The following NBPF12 variants were observed in gnomAD, a reference collection of about 807,000 sequenced individuals.
NBPF12 encodes the protein NBPF family member NBPF12.
In NBPF12, 115 loss-of-function variants were observed where a neutral mutation model predicts 146.4. The observed-to-expected ratio is 0.79, with a 90% confidence interval of 0.68 to 0.92. The LOEUF is 0.92. NBPF12 is among the 40% of genes least tolerant of loss of function. The pLI is 0.00. For missense variants in NBPF12, 1,205 were observed against 1,326.8 expected, an observed-to-expected ratio of 0.91 and a Z score of 1.43; for synonymous variants, 385 against 508.9, an observed-to-expected ratio of 0.76 and a Z score of 3.28.
At chr1:146,971,356 C>G (rs1656599241) in exon 13 of NBPF12, 3 of 1,611,608 alleles carry the variant, frequency 1.9e-6, no homozygotes, top group Admixed American at 3.3e-5. Context: ...AGAGAATCCT[C>G]TCATGATGAA....
intron 14 of NBPF12, 115 bp downstream of exon 17, chr1:146,973,075 A>T: frequency 1.5e-6 from 1 of 659,872 alleles, no homozygotes; most frequent in Non-Finnish European, 2.7e-6. Flanking sequence ...ACTTCTAGGA[A>T]AACAGAAATG....
rs1388369256 is a variant in NBPF12 at position 146,983,027 on chromosome 1, G to A, written c.2550G>A (p.Gln850=). 24 of 1,608,596 alleles carry A rather than the reference G, an allele frequency of 1.5e-5. No individual in the cohort carries two copies. In the Admixed American group the frequency reaches 2.0e-4, roughly 13 times the overall value. The stretch of plus-strand genomic sequence containing the variant: ...CTCCTGAAAGGTTGGCCTCATACCA[G>A]TCTTACAGCAGCACATTTCACTCAT... Residue 850 remains glutamine (Q), a synonymous_variant, in exon 20 of 34, where the codon CAG becomes CAA. Coordinates refer to ENST00000617844, the Ensembl canonical transcript of NBPF12.
At chr1:146,967,900 C>T (rs1457595690) in intron 9 of NBPF12, among the ~76,000 whole-genome samples, 5 of 145,380 alleles carry the variant, frequency 3.4e-5, no homozygotes, top group Non-Finnish European at 7.5e-5. Flanking sequence ...ATAGGATTTC[C>T]TTCATGGCCT....
upstream of NBPF12, among the ~76,000 whole-genome samples, chr1:146,946,631 G>A (rs1655088378): frequency 7.3e-6 from 1 of 136,922 alleles, no homozygotes; most frequent in South Asian, 2.5e-4. Flanking sequence ...CCCAGTCTGT[G>A]ACTTGCTTTT....
chr1:146,971,903 C>G (rs1553886530), intron 13 of NBPF12, among the ~76,000 whole-genome samples: 4 of 122,416 alleles, frequency 3.3e-5, no homozygotes, highest in Non-Finnish European at 6.5e-5. Context: ...CACGGTGAAA[C>G]CCCATCTTTA....
Position 146,976,425 on chromosome 1 carries a change from C to T in NBPF12, c.2120-504C>T, listed in dbSNP as rs1308704675. Among the ~76,000 whole-genome samples, 4 of 128,446 alleles carry T rather than the reference C, an allele frequency of 3.1e-5. No individual in the cohort carries two copies. In the Admixed American group the frequency reaches 3.2e-4, roughly 10 times the overall value. 84.3% of individuals were successfully genotyped at this position (128,446 alleles called of 152,430 possible). ...TTGGAGAAGGCACTTGATGTGGGGG[C>T]ATTTTGTGGTAGGAAGTGCTTCAGA... On this transcript the variant is annotated intron_variant, in intron 16 of 33. Coordinates refer to ENST00000617844, the Ensembl canonical transcript of NBPF12.
At position 146,974,184 on chromosome 1, in the gene NBPF12, G is replaced by T. The variant is rs1553887017; in HGVS notation, c.1802-555G>T. 7.5e-5 allele frequency among the ~76,000 whole-genome samples: 11 copies of T among 146,932 alleles called. 2 individuals are homozygous for T. Among genetic ancestry groups the T allele is most frequent in the African/African-American group, 2.4e-4 (9 of 37,606 alleles). ...GAAACTTCATTAGCATTTGGGCATA[G>T]GATTTCCTTCATGGCCTTATGGTGT... On this transcript the variant is annotated intron_variant, in intron 14 of 33. Transcript: ENST00000617844.
At chr1:146,975,355 A>G (rs1295232070) in intron 15 of NBPF12, among the ~76,000 whole-genome samples, 4 of 143,798 alleles carry the variant, frequency 2.8e-5, no homozygotes, top group Admixed American at 7.0e-5. Flanking sequence ...GTGTATTTTC[A>G]CATGGAAATG....
chr1:146,940,867 TTGAG>T (rs1460989664), intron 1 of NBPF12, among the ~76,000 whole-genome samples: 6 of 151,992 alleles, frequency 3.9e-5, no homozygotes, highest in Non-Finnish European at 8.8e-5. Context: ...GGTATTGAGA[TTGAG>T]TATCTTTTAT....
chr1:146,971,676 A>G (rs1312074887), intron 13 of NBPF12, among the ~76,000 whole-genome samples: 4 of 150,008 alleles, frequency 2.7e-5, no homozygotes, highest in Admixed American at 6.6e-5. Context: ...TATAGTCCCA[A>G]CTGCTCAGGA....
At chr1:146,967,456 T>C (rs1241719827) in intron 9 of NBPF12, among the ~76,000 whole-genome samples, 1 of 149,338 alleles carries the variant, frequency 6.7e-6, no homozygotes. Flanking sequence ...AGCCAAGATT[T>C]TGCCATTGCA....
At chr1:146,965,665 A>G (rs1553885531) in intron 8 of NBPF12, among the ~76,000 whole-genome samples, 33 of 147,570 alleles carry the variant, frequency 2.2e-4, no homozygotes, top group East Asian at 6.0e-4. Context: ...GGTGGTGGGC[A>G]CCTGTAGTCC....
chr1:146,968,593 A>C (rs1656356364), intron 10 of NBPF12, 43 bp downstream of exon 13: 2 of 1,539,352 alleles, frequency 1.3e-6, no homozygotes, highest in East Asian at 2.2e-5. Flanking sequence ...CAGGTGTGTA[A>C]ATCTCTGAAG....
At chr1:146,971,709 A>G (rs1219882310) in intron 13 of NBPF12, among the ~76,000 whole-genome samples, 1,812 of 150,432 alleles carry the variant, frequency 0.012, 84 homozygotes, top group African/African-American at 0.043. Context: ...AGGATCGGCT[A>G]ACACGATCCT....
intron 14 of NBPF12, among the ~76,000 whole-genome samples, chr1:146,973,558 G>A (rs1183185970): frequency 1.3e-5 from 2 of 149,364 alleles, no homozygotes; most frequent in African/African-American, 5.0e-5. Flanking sequence ...GGGAGGCTGA[G>A]GCGAGTAGAG....
At chr1:146,967,177 A>G (rs1395209170) in intron 9 of NBPF12, among the ~76,000 whole-genome samples, 2 of 150,000 alleles carry the variant, frequency 1.3e-5, no homozygotes, top group African/African-American at 5.0e-5. Flanking sequence ...TCCTAATAGA[A>G]CCTGTGCTAT....
chr1:146,962,305 A>G (rs1559519934), intron 5 of NBPF12, 42 bp downstream of exon 8: 4 of 1,503,552 alleles, frequency 2.7e-6, no homozygotes, highest in East Asian at 4.5e-5. Context: ...GTAGGTGTGT[A>G]GATCTCTGAA....
chr1:146,980,188 T>C (rs1231789890), intron 19 of NBPF12, among the ~76,000 whole-genome samples: 75 of 152,216 alleles, frequency 4.9e-4, no homozygotes, highest in African/African-American at 1.7e-3. Context: ...TCCATCCCTT[T>C]ATTTTGAGCC....
intron 7 of NBPF12, 141 bp downstream of exon 10, chr1:146,964,570 A>C: frequency 7.5e-7 from 1 of 1,335,768 alleles, no homozygotes; most frequent in Non-Finnish European, 1.1e-6. Context: ...CAGCTTAGAC[A>C]CAGGGTGCGA....
Sources: allele counts gnomAD v4.1 joint callset (sites outside exome capture counted in the v4.1 genomes callset), GRCh38; gene constraint gnomAD v4.1.1; transcripts MANE v1.5; gene names NCBI Gene and HGNC (gene_info 2026-07-23, HGNC 2026-07-21).